The following EYA4 variants were observed in gnomAD, a reference collection of about 807,000 sequenced individuals.
EYA4 encodes the protein protein phosphatase EYA4.
In EYA4, 31 loss-of-function variants were observed where a neutral mutation model predicts 87.9. The ratio of observed to expected loss-of-function variants is 0.35; its 90% CI spans 0.27 to 0.48. The LOEUF is 0.48. EYA4 is among the 20% of genes least tolerant of loss of function. EYA4 has a pLI of 0.99. For missense variants in EYA4, 678 were observed against 761.4 expected, an observed-to-expected ratio of 0.89 and a Z score of 1.29; for synonymous variants, 263 against 270.6, an observed-to-expected ratio of 0.97 and a Z score of 0.28.
chr6:133,330,300 T>C (rs1431325389), intron 2 of EYA4, among the ~76,000 whole-genome samples: 1 of 152,076 alleles, frequency 6.6e-6, no homozygotes, highest in Non-Finnish European at 1.5e-5. Flanking sequence ...ATTCTCCTAT[T>C]TGTATTGCTA....
chr6:133,506,321 T>C (rs1025505982), intron 14 of EYA4, 126 bp downstream of exon 14: 3 of 622,830 alleles, frequency 4.8e-6, no homozygotes, highest in African/African-American at 1.9e-5. Flanking sequence ...CATAAAGTTC[T>C]TGTCAAGAGG....
chr6:133,379,890 GT>G (rs1405297801), intron 2 of EYA4, among the ~76,000 whole-genome samples: 3 of 151,982 alleles, frequency 2.0e-5, no homozygotes, highest in Non-Finnish European at 4.4e-5. Flanking sequence ...TACCCAGTTT[GT>G]TTTTTTACAA....
At chr6:133,316,426 A>G (rs539667942) in intron 2 of EYA4, among the ~76,000 whole-genome samples, 2 of 152,352 alleles carry the variant, frequency 1.3e-5, no homozygotes, top group South Asian at 4.1e-4. Context: ...TAGCTAAAAT[A>G]AATAAATCCT....
intron 2 of EYA4, among the ~76,000 whole-genome samples, chr6:133,338,998 G>A (rs142869115): frequency 7.2e-5 from 11 of 152,146 alleles, no homozygotes; most frequent in Admixed American, 3.9e-4. Context: ...CATTTTTATC[G>A]TTATCAGTAA....
intron 17 of EYA4, among the ~76,000 whole-genome samples, chr6:133,518,946 A>G (rs1175562896): frequency 6.6e-6 from 1 of 151,120 alleles, no homozygotes; most frequent in Admixed American, 6.6e-5. Context: ...CTTTGAAACC[A>G]ACGAGAACAA....
intron 2 of EYA4, among the ~76,000 whole-genome samples, chr6:133,372,786 AG>A (rs2128465893): frequency 6.6e-6 from 1 of 151,842 alleles, no homozygotes; most frequent in East Asian, 1.9e-4. Context: ...ACAGATATAT[AG>A]AGATATATGT....
chr6:133,363,793 G>T (rs1380064379), intron 2 of EYA4, among the ~76,000 whole-genome samples: 2 of 152,142 alleles, frequency 1.3e-5, no homozygotes, highest in Admixed American at 1.3e-4. Flanking sequence ...TAACTCTTGA[G>T]CCTGATGTTC....
rs78795982 is a variant in EYA4 at position 133,265,341 on chromosome 6, T to C, written c.-65-9375T>C. Reference sequence around the variant, plus strand: ...TTTTTGCACAAACCTAATAATACTGTTTGAAATTCATATTTTCTGGTGGAA... The same window carrying C: ...TTTTTGCACAAACCTAATAATACTGCTTGAAATTCATATTTTCTGGTGGAA... On this transcript the variant is annotated intron_variant, in intron 1 of 19. Coordinates refer to ENST00000355286, the MANE Select transcript of EYA4 (RefSeq NM_004100.5). Among the ~76,000 whole-genome samples, 849 of 151,998 alleles carry C rather than the reference T, an allele frequency of 5.6e-3. 3 individuals are homozygous for C. Among genetic ancestry groups the C allele is most frequent in the African/African-American group, 0.018 (765 of 41,484 alleles).
At chr6:133,362,147 G>A (rs984978745) in intron 2 of EYA4, among the ~76,000 whole-genome samples, 2 of 152,174 alleles carry the variant, frequency 1.3e-5, no homozygotes, top group African/African-American at 4.8e-5. Flanking sequence ...TAACCCTCAA[G>A]GTTCTTTTAG....
intron 2 of EYA4, among the ~76,000 whole-genome samples, chr6:133,337,985 G>C (rs1782503429): frequency 6.6e-6 from 1 of 152,146 alleles, no homozygotes; most frequent in Non-Finnish European, 1.5e-5. Context: ...GTTAGCCAAG[G>C]ACCAGAAACT....
chr6:133,510,083 A>G (rs1799011438), intron 14 of EYA4, among the ~76,000 whole-genome samples: 1 of 152,230 alleles, frequency 6.6e-6, no homozygotes, highest in Admixed American at 6.5e-5. Flanking sequence ...TTATGGTCCA[A>G]TAAGTGTGAT....
intron 2 of EYA4, among the ~76,000 whole-genome samples, chr6:133,314,875 G>A (rs1780507249): frequency 6.6e-6 from 1 of 152,138 alleles, no homozygotes; most frequent in South Asian, 2.1e-4. Flanking sequence ...CAAACCAATG[G>A]AAATTTCTAG....
intron 2 of EYA4, among the ~76,000 whole-genome samples, chr6:133,335,891 G>A (rs920538102): frequency 3.3e-5 from 5 of 152,202 alleles, no homozygotes; most frequent in Non-Finnish European, 5.9e-5. Context: ...GAGACAGTGA[G>A]TGAGCATTGC....
At chr6:133,423,605 A>C (rs1005784151) in intron 3 of EYA4, among the ~76,000 whole-genome samples, 3 of 152,216 alleles carry the variant, frequency 2.0e-5, no homozygotes, top group Non-Finnish European at 2.9e-5. Context: ...TTTTAAAATA[A>C]ATTTTATTAC....
rs948838898 is a variant in EYA4 at position 133,356,055 on chromosome 6, GAA to G, written c.34-26335_34-26334del. 3.0e-4 allele frequency among the ~76,000 whole-genome samples: 31 copies of G among 103,278 alleles called. 1 individual carries two copies. Among genetic ancestry groups the G allele is most frequent in the African/African-American group, 9.5e-4 (13 of 13,632 alleles). The allele number at this position is 103,278 out of a possible 152,430, so 67.8% of individuals were successfully genotyped here. A position where few individuals can be genotyped will look rare whatever the true frequency, so the allele number is the denominator to read the frequency against. ...AGAGAGAGAGAAAGAGAGAAAGAGA[GAA>G]AGAGAGAGAGAGAGAGAGAGAGAAA... is the stretch of plus-strand genomic sequence containing the variant. On this transcript the variant is annotated intron_variant, in intron 2 of 19. Coordinates refer to ENST00000355286, the MANE Select transcript of EYA4 (RefSeq NM_004100.5).
intron 3 of EYA4, among the ~76,000 whole-genome samples, chr6:133,438,617 C>T (rs564151639): frequency 6.6e-6 from 1 of 152,016 alleles, no homozygotes; most frequent in South Asian, 2.1e-4. Context: ...TTTCTATTCA[C>T]AGGACGCTGC....
At chr6:133,351,666 A>G (rs1783651193) in intron 2 of EYA4, among the ~76,000 whole-genome samples, 1 of 152,200 alleles carries the variant, frequency 6.6e-6, no homozygotes, top group Non-Finnish European at 1.5e-5. Flanking sequence ...AACATCTAAA[A>G]TCAACCATTT....
intron 3 of EYA4, among the ~76,000 whole-genome samples, chr6:133,437,463 T>G (rs79590768): frequency 0.022 from 3,394 of 152,282 alleles, 117 homozygotes; most frequent in African/African-American, 0.078. Context: ...TGAGCCTCAA[T>G]TTCTTCATCT....
At chr6:133,453,655 C>T (rs763318198) in intron 5 of EYA4, 1 of 152,110 alleles carries the variant, frequency 6.6e-6, no homozygotes, top group Non-Finnish European at 1.5e-5. Flanking sequence ...ATGAATGCAG[C>T]TTATTTTCTG....
Sources: allele counts gnomAD v4.1 joint callset (sites outside exome capture counted in the v4.1 genomes callset), GRCh38; gene constraint gnomAD v4.1.1; transcripts MANE v1.5; gene names NCBI Gene and HGNC (gene_info 2026-07-23, HGNC 2026-07-21).